The following LTBP4 variants were observed in gnomAD, a reference collection of about 807,000 sequenced individuals.
LTBP4 encodes latent-transforming growth factor beta-binding protein 4.
Under a neutral mutation model 180.2 loss-of-function variants are expected in LTBP4, and 93 were observed. The observed-to-expected ratio is 0.52, with a 90% CI of 0.44 to 0.61. The LOEUF (loss-of-function observed/expected upper bound fraction) is 0.61, where lower values mean the gene tolerates loss of function less well. Among genes scored for constraint, LTBP4 ranks in the 20% least tolerant of loss-of-function variants. The pLI is 0.00. For missense variants in LTBP4, 2,116 were observed against 2,256.5 expected, an observed-to-expected ratio of 0.94 and a Z score of 1.26; for synonymous variants, 947 against 934.5, an observed-to-expected ratio of 1.01 and a Z score of -0.24.
chr19:40,601,483 C>T lies in LTBP4; in HGVS notation c.96C>T (p.Leu32=). Residue 32 remains leucine (L), a synonymous_variant, in exon 1 of 30, where the codon CTC becomes CTT. Coordinates refer to ENST00000396819, the MANE Select transcript of LTBP4 (RefSeq NM_001042545.2). The part of the protein sequence containing the change: ...QPGLGRLGER[L]RVRFTPVVCG... ...GACTGGGCCGGCTCGGAGAGCGTCTCCGCGTGCGCTTCACCCCGGTCGTGT... is the reference window on the plus strand; with the variant it reads ...GACTGGGCCGGCTCGGAGAGCGTCTTCGCGTGCGCTTCACCCCGGTCGTGT... 6.7e-7 allele frequency: 1 copy of T among 1,494,910 alleles called. No homozygotes were observed. Among genetic ancestry groups the T allele is most frequent in the African/African-American group, 1.5e-5 (1 of 68,776 alleles). 92.6% of individuals were successfully genotyped at this position (1,494,910 alleles called of 1,614,324 possible).
chr19:40,620,230 T>TA (rs368583508), intron 22 of LTBP4, among the ~76,000 whole-genome samples: 6 of 150,754 alleles, frequency 4.0e-5, no homozygotes, highest in Non-Finnish European at 7.4e-5. Flanking sequence ...GTTTTTTTTT[T>TA]GAAAATTTTT....
intron 29 of LTBP4, among the ~76,000 whole-genome samples, chr19:40,628,586 G>T (rs2081654517): frequency 6.6e-6 from 1 of 152,170 alleles, no homozygotes; most frequent in Admixed American, 6.5e-5. Context: ...TGTGACGCTG[G>T]ACAGGTCACT....
chr19:40,596,336 G>A (rs567787649), intron 1 of LTBP4, among the ~76,000 whole-genome samples: 8 of 152,312 alleles, frequency 5.3e-5, no homozygotes, highest in African/African-American at 1.9e-4. Flanking sequence ...TGGGATTACA[G>A]GCCCGCGCCA....
At chr19:40,604,700 G>A (rs1308581335) in intron 1 of LTBP4, among the ~76,000 whole-genome samples, 3 of 152,136 alleles carry the variant, frequency 2.0e-5, no homozygotes, top group Admixed American at 2.0e-4. Flanking sequence ...AAAAAACGTA[G>A]CCCGATGTGG....
Position 40,611,222 on chromosome 19 carries a change from C to A in LTBP4, c.1881C>A (p.Phe627Leu). 1 of 1,613,776 alleles carries A rather than the reference C, an allele frequency of 6.2e-7. No individual in the cohort carries two copies. The highest frequency in any genetic ancestry group is 8.5e-7 in the Non-Finnish European group (1 of 1,179,802). Residue 627 changes from phenylalanine to leucine, a missense_variant, in exon 13 of 30, where the codon TTC becomes TTA. Transcript: ENST00000396819. The surrounding 1 kb of genome is among the most constrained non-coding windows in gnomAD (Gnocchi z 4.4). ...RGACKNLPGS[F>L]RCVCPAGFRG... ...CCTGCAAGAACCTGCCTGGCTCTTT[C>A]CGCTGTGTTTGCCCGGCTGGCTTCC...
chr19:40,606,622 CA>C (rs2081464819), intron 6 of LTBP4, 96 bp downstream of exon 6: 3 of 1,456,468 alleles, frequency 2.1e-6, no homozygotes. Context: ...CGGACCCCCC[CA>C]GACTCCCGGG....
At chr19:40,616,797 TA>T in intron 19 of LTBP4, 91 bp from the exon 20 acceptor site, 1 of 1,446,496 alleles carries the variant, frequency 6.9e-7, no homozygotes. Context: ...ACCAGATTGC[TA>T]AAGACTTCTT....
In LTBP4 at chr19:40,614,263, C is replaced by T. The variant is rs1048662961; in HGVS notation, c.2681-52C>T. ...ACTCTCCTCTCCCCTCTTTGTATCC[C>T]CCATCTTGCCTCCCTGCTTCCCACA... On this transcript the variant is annotated intron_variant, in intron 18 of 29. Coordinates refer to ENST00000396819, the MANE Select transcript of LTBP4 (RefSeq NM_001042545.2). 26 of 1,580,446 alleles carry T rather than the reference C, an allele frequency of 1.6e-5. No individual in the cohort carries two copies. The Middle Eastern group carries it at 8.3e-4, about 51-fold the overall frequency.
chr19:40,601,768 C>T (rs964078582), intron 1 of LTBP4, 131 bp downstream of exon 1: 60 of 764,822 alleles, frequency 7.8e-5, no homozygotes, highest in Admixed American at 5.7e-4. Flanking sequence ...ATATCAGGGG[C>T]TATTTGAGGA....
Position 40,613,347 on chromosome 19 carries a change from G to C in LTBP4, c.2432-57G>C. ...GGGGCGGGGTTACTGCGATGTGGGC[G>C]GAGCTTGTCTGGGAGGCCGGGTCCC... On this transcript the variant is annotated intron_variant, in intron 16 of 29. Coordinates refer to ENST00000396819, the MANE Select transcript of LTBP4 (RefSeq NM_001042545.2). This position sits in a 1 kb window ranked among gnomAD's most constrained non-coding sequence, Gnocchi z 5.0. The C allele has an allele frequency of 4.4e-6, 7 of 1,576,714 alleles. No individual in the cohort carries two copies. The highest frequency in any genetic ancestry group is 6.0e-6 in the Non-Finnish European group (7 of 1,163,110).
chr19:40,613,131 G>C lies in LTBP4; in HGVS notation c.2366G>C (p.Gly789Ala), dbSNP rs756588016. 6.2e-6 allele frequency: 10 copies of C among 1,602,368 alleles called. No individual in the cohort carries two copies. Among genetic ancestry groups the C allele is most frequent in the Admixed American group, 1.7e-5 (1 of 58,464 alleles). ...CACGGCCACTGCACTAACACCGAAGGCTCCTTCCGCTGCAGCTGCGCGCCA... is the reference window on the plus strand; with the variant it reads ...CACGGCCACTGCACTAACACCGAAGCCTCCTTCCGCTGCAGCTGCGCGCCA... The part of the protein sequence containing the change: ...GPHGHCTNTE[G>A]SFRCSCAPGY... Residue 789 changes from glycine (G) to alanine (A), a missense_variant, in exon 16 of 30, where the codon GGC becomes GCC. This residue lies in a region of LTBP4 where 877 missense variants were observed against 873.6 expected (regional missense o/e 1.00). Transcript: ENST00000396819. The surrounding 1 kb of genome is among the most constrained non-coding windows in gnomAD (Gnocchi z 5.0).
rs186396197 is a variant in LTBP4, at chr19:40,610,913, T to A, written c.1811-239T>A. 5.8e-4 allele frequency: 412 copies of A among 709,256 alleles called. No homozygotes were observed. The African/African-American group carries it at 6.3e-3, about 11-fold the overall frequency. 43.9% of individuals were successfully genotyped at this position (709,256 alleles called of 1,614,324 possible). Reference sequence around the variant, plus strand: ...AGGGATGGAGATGTCAGTAATCGGGTAAGGGGAGCAGAGTTATGGAGGAAA... The same window carrying A: ...AGGGATGGAGATGTCAGTAATCGGGAAAGGGGAGCAGAGTTATGGAGGAAA... On this transcript the variant is annotated intron_variant, in intron 12 of 29. Coordinates refer to ENST00000396819, the MANE Select transcript of LTBP4 (RefSeq NM_001042545.2).
rs1359674534 is a variant in LTBP4, at chr19:40,610,657, G to C, written c.1810G>C (p.Asp604His). The C allele has an allele frequency of 6.3e-7, 1 of 1,581,830 alleles. No individual in the cohort carries two copies. The highest frequency in any genetic ancestry group is 1.7e-5 in the Admixed American group (1 of 59,100). ...TGCACCGCACGGAGCCAGCTGCCAG[G>C]GTGAGGGCCTGGGAGGGGCAGCTGG... is the stretch of plus-strand genomic sequence containing the variant. ...QAAPHGASCQDVDECTQSPGL... is the reference protein window; with the variant it reads ...QAAPHGASCQHVDECTQSPGL... Residue 604 changes from aspartate (D) to histidine (H), a missense_variant and splice_region_variant, in exon 12 of 30, where the codon GAT becomes CAT. Asp to His is a moderately conservative substitution (Grantham distance 81, BLOSUM62 -1). Transcript: ENST00000396819.
rs2081646671 is a variant in LTBP4 at position 40,627,724 on chromosome 19, CGAGGAGCTGGAGGCG to C, written c.4393_4407del (p.Leu1465_Glu1469del). The C allele has an allele frequency of 6.3e-7, 1 of 1,596,872 alleles. No homozygotes were observed. Among genetic ancestry groups the C allele is most frequent in the African/African-American group, 1.3e-5 (1 of 74,542 alleles). ...CCACAGGTTCCCTGGCTGAGCCCTA[CGAGGAGCTGGAGGCG>C]GAGGAGTGCGGGATCCTGGACGGCT... On this transcript the variant is annotated inframe_deletion, in exon 29 of 30. Transcript: ENST00000396819.
At position 40,613,935 on chromosome 19, in the gene LTBP4, G is replaced by C; in HGVS notation, c.2577G>C (p.Glu859Asp). ...ASCLDVDECS[E>D]EDLCQSGICT... is the part of the protein sequence containing the mutation. Reference sequence around the variant, plus strand: ...CCGCAGACGTTGACGAGTGCAGCGAGGAGGACCTTTGCCAGAGCGGCATCT... The same window carrying C: ...CCGCAGACGTTGACGAGTGCAGCGACGAGGACCTTTGCCAGAGCGGCATCT... The change falls in exon 18 of 30, where the codon GAG becomes GAC. Residue 859 changes from glutamate to aspartate, a missense_variant. Glu to Asp is a conservative substitution (Grantham distance 45, BLOSUM62 2). Transcript: ENST00000396819. This position sits in a 1 kb window ranked among gnomAD's most constrained non-coding sequence, Gnocchi z 5.0. The C allele has an allele frequency of 6.2e-7, 1 of 1,613,684 alleles. No individual in the cohort carries two copies. The highest frequency in any genetic ancestry group is 8.5e-7 in the Non-Finnish European group (1 of 1,179,804).
In LTBP4 at chr19:40,605,825, C is replaced by A. The variant is rs1363936581; in HGVS notation, c.787C>A (p.Arg263Ser). ...TCACGACTGTCAGCTGTGCTCCGAG[C>A]GCCTGGGTAAGCCCCAGGACGTCCC... ...GVHDCQLCSE[R>S]LGNSERVSAP... The change falls in exon 4 of 30, where the codon CGC (arginine) becomes AGC (serine). Residue 263 changes from arginine to serine, a missense_variant. Coordinates refer to ENST00000396819, the MANE Select transcript of LTBP4 (RefSeq NM_001042545.2). This position sits in a 1 kb window ranked among gnomAD's most constrained non-coding sequence, Gnocchi z 5.5. 7 of 1,537,774 alleles carry A rather than the reference C, an allele frequency of 4.6e-6. No individual in the cohort carries two copies. Among genetic ancestry groups the A allele is most frequent in the Middle Eastern group, 2.2e-4 (1 of 4,558 alleles).
At chr19:40,610,058 C>A (rs2081493918) in intron 11 of LTBP4, 187 bp downstream of exon 11, 4 of 765,682 alleles carry the variant, frequency 5.2e-6, no homozygotes, top group East Asian at 2.9e-5. Context: ...TTTGACCCCA[C>A]CCCTACCCAG....
At position 40,614,362 on chromosome 19, in the gene LTBP4, C is replaced by A; in HGVS notation, c.2728C>A (p.Arg910Ser). The A allele has an allele frequency of 6.2e-7, 1 of 1,600,546 alleles. No individual in the cohort carries two copies. The highest frequency in any genetic ancestry group is 1.1e-5 in the South Asian group (1 of 91,082). Residue 910 changes from arginine to serine, a missense_variant, in exon 19 of 30, where the codon CGC becomes AGC. Arg to Ser is a moderately radical substitution (Grantham distance 110, BLOSUM62 -1). This residue lies in a region of LTBP4 where 877 missense variants were observed against 873.6 expected (regional missense o/e 1.00). Coordinates refer to ENST00000396819, the MANE Select transcript of LTBP4 (RefSeq NM_001042545.2). The stretch of plus-strand genomic sequence containing the variant: ...AGGCCCAGCCCTGTGCGGGTCGCAG[C>A]GCTGTGAGAACTCTCCCGGCTCCTA... ...ERGPALCGSQRCENSPGSYRC... is the reference protein window; with the variant it reads ...ERGPALCGSQSCENSPGSYRC...
rs2081488447 is a variant in LTBP4 at position 40,609,532 on chromosome 19, C to A, written c.1429C>A (p.Pro477Thr). The change falls in exon 10 of 30, where the codon CCC (proline) becomes ACC (threonine). Residue 477 changes from proline to threonine, a missense_variant and splice_region_variant. Pro to Thr is a conservative substitution (Grantham distance 38, BLOSUM62 -1). Transcript: ENST00000396819. The surrounding 1 kb of genome is among the most constrained non-coding windows in gnomAD (Gnocchi z 4.9). Reference protein sequence around the residue: ...WTGPEIPESGPSSGMCQRNPQ... With the variant: ...WTGPEIPESGTSSGMCQRNPQ... ...CCCTGGCTGACTGGACCCCCCAGGT[C>A]CCTCCTCCGGCATGTGTCAGCGCAA... 1 of 1,612,664 alleles carries A rather than the reference C, an allele frequency of 6.2e-7. No homozygotes were observed. The highest frequency in any genetic ancestry group is 1.6e-4 in the Middle Eastern group (1 of 6,082).
Sources: allele counts gnomAD v4.1 joint callset (sites outside exome capture counted in the v4.1 genomes callset), GRCh38; gene constraint gnomAD v4.1.1; regional missense constraint gnomAD v4.1.1; non-coding constraint Gnocchi (gnomAD v3.1); transcripts MANE v1.5; gene names NCBI Gene and HGNC (gene_info 2026-07-23, HGNC 2026-07-21).